Variants in CHD6 observed in about 807,000 individuals in gnomAD.
CHD6 encodes chromodomain helicase DNA binding protein 6, also known as ATP-dependent chromatin remodeler CHD6.
Under a neutral mutation model 276.9 loss-of-function variants are expected in CHD6, and 50 were observed. That is an observed-to-expected ratio of 0.18 (90% CI 0.14 to 0.23). The LOEUF (loss-of-function observed/expected upper bound fraction) is 0.23. Ranked by LOEUF, CHD6 falls within the 10% of genes least tolerant of loss-of-function variation. CHD6 has a pLI of 1.00. For missense variants in CHD6, 2,564 were observed against 3,365.8 expected (o/e 0.76, Z 5.89); for synonymous variants, 1,173 against 1,229.3 (o/e 0.95, Z 0.96).
chr20:41,426,406 G>C (rs115582574), intron 27 of CHD6, among the ~76,000 whole-genome samples: 17 of 152,094 alleles, frequency 1.1e-4, no homozygotes, highest in African/African-American at 4.1e-4. Context: ...GTAGAGAATC[G>C]GCTTGAGCAA....
chr20:41,410,971 G>A (rs1184750348), intron 36 of CHD6, among the ~76,000 whole-genome samples: 2 of 152,166 alleles, frequency 1.3e-5, no homozygotes, highest in South Asian at 2.1e-4. Flanking sequence ...GAAAGACAGA[G>A]GGGACACAAA....
rs754920470 is a variant in CHD6, at chr20:41,533,509, T to C, written c.95A>G (p.Tyr32Cys). 65 of 1,613,630 alleles carry C rather than the reference T, an allele frequency of 4.0e-5. No individual in the cohort carries two copies. The highest frequency in any genetic ancestry group is 5.4e-5 in the Non-Finnish European group (64 of 1,179,970). The change falls in exon 3 of 37, where the codon TAC becomes TGC. Residue 32 changes from tyrosine to cysteine, a missense_variant. Around this residue, in one of 7 missense-constraint regions of CHD6, gnomAD observed 286 missense variants for 297.8 expected, o/e 0.96. Transcript: ENST00000373233. ...GCAGTCAAATGGGGATGGAGATTTGTAGTCAAAATTGACAGAGGCATCAGA... is the reference window on the plus strand; with the variant it reads ...GCAGTCAAATGGGGATGGAGATTTGCAGTCAAAATTGACAGAGGCATCAGA... ...PMSDASVNFD[Y>C]KSPSPFDCST...
intron 1 of CHD6, among the ~76,000 whole-genome samples, chr20:41,556,277 C>G (rs996063108): frequency 1.5e-5 from 2 of 135,996 alleles, no homozygotes; most frequent in African/African-American, 5.8e-5. Context: ...CGTGGGGAGA[C>G]GGGAGAGGGA....
In CHD6 at chr20:41,497,364, G is replaced by T; in HGVS notation, c.1092+20C>A. On this transcript the variant is annotated intron_variant, in intron 8 of 36. Coordinates refer to ENST00000373233, the MANE Select transcript of CHD6 (RefSeq NM_032221.5). ...TGCAAGAAAAGCAGCAGTCAAATGA[G>T]TCAGTAAATATTGCTTCACCTCCGT... The T allele has an allele frequency of 2.1e-6, 3 of 1,432,700 alleles. No individual in the cohort carries two copies. The highest frequency in any genetic ancestry group is 2.3e-5 in the East Asian group (1 of 44,020). 88.7% of individuals were successfully genotyped at this position (1,432,700 alleles called of 1,614,324 possible).
Position 41,405,089 on chromosome 20 carries a change from G to C in CHD6, c.7652C>G (p.Pro2551Arg). 7.4e-6 allele frequency: 12 copies of C among 1,614,222 alleles called. No homozygotes were observed. Among genetic ancestry groups the C allele is most frequent in the Non-Finnish European group, 1.0e-5 (12 of 1,180,046 alleles). ...PMATTCTSTA[P>R]ASLSSTTKSG... ...TTTCGTTGTGCTTGATAGAGACGCCGGAGCAGTGGAAGTGCAGGTGGTTGC... is the reference window on the plus strand; with the variant it reads ...TTTCGTTGTGCTTGATAGAGACGCCCGAGCAGTGGAAGTGCAGGTGGTTGC... The change falls in exon 37 of 37, where the codon CCG (proline) becomes CGG (arginine). Residue 2551 changes from proline (P) to arginine (R), a missense_variant. Around this residue, in one of 7 missense-constraint regions of CHD6, gnomAD observed 238 missense variants for 266.0 expected, o/e 0.89. Coordinates refer to ENST00000373233, the MANE Select transcript of CHD6 (RefSeq NM_032221.5).
At chr20:41,589,751 C>G (rs2045636088) in intron 1 of CHD6, among the ~76,000 whole-genome samples, 1 of 152,210 alleles carries the variant, frequency 6.6e-6, no homozygotes, top group Non-Finnish European at 1.5e-5. Context: ...ATTCCATGCT[C>G]ATGGATAGGA....
At chr20:41,572,777 T>C (rs146779930) in intron 1 of CHD6, among the ~76,000 whole-genome samples, 1 of 152,300 alleles carries the variant, frequency 6.6e-6, no homozygotes, top group East Asian at 1.9e-4. Flanking sequence ...CCTTTACCAA[T>C]TAAATCTGAA....
intron 17 of CHD6, 73 bp from the exon 18 acceptor site, chr20:41,457,501 TGCTTAAA>T (rs2048412816): frequency 3.2e-5 from 49 of 1,517,826 alleles, no homozygotes; most frequent in Non-Finnish European, 4.3e-5. Context: ...AATAGGGGAG[TGCTTAAA>T]TGTCATGTGG....
intron 27 of CHD6, among the ~76,000 whole-genome samples, chr20:41,431,423 GAGA>G (rs1449887045): frequency 1.3e-5 from 2 of 152,158 alleles, no homozygotes; most frequent in African/African-American, 2.4e-5. Context: ...TAGTGATCAG[GAGA>G]AGAAGAGGGA....
In CHD6 at chr20:41,483,347, G is replaced by T; in HGVS notation, c.2430C>A (p.Arg810=). Reference sequence around the variant, plus strand: ...GGTAATCTTCTAGGATGTCGAGGCAGCGCACCATCTGGGAGAAGATGAGTA... The same window carrying T: ...GGTAATCTTCTAGGATGTCGAGGCATCGCACCATCTGGGAGAAGATGAGTA... ...HKVLIFSQMV[R]CLDILEDYLI... The change falls in exon 16 of 37, where the codon CGC becomes CGA. Residue 810 remains arginine, a synonymous_variant. Coordinates refer to ENST00000373233, the MANE Select transcript of CHD6 (RefSeq NM_032221.5). The T allele has an allele frequency of 6.2e-7, 1 of 1,613,722 alleles. No individual in the cohort carries two copies. The highest frequency in any genetic ancestry group is 8.5e-7 in the Non-Finnish European group (1 of 1,179,784).
chr20:41,558,743 T>C (rs989046614), intron 1 of CHD6, among the ~76,000 whole-genome samples: 1 of 152,128 alleles, frequency 6.6e-6, no homozygotes, highest in South Asian at 2.1e-4. Context: ...AGTCTCTTGA[T>C]TACCTCCCAG....
At chr20:41,547,782 T>G in intron 2 of CHD6, 1 of 526,248 alleles carries the variant, frequency 1.9e-6, no homozygotes. Flanking sequence ...GCACCAATCT[T>G]TAGCCAGAGA....
At chr20:41,584,997 A>C (rs1012436156) in intron 1 of CHD6, among the ~76,000 whole-genome samples, 2 of 152,198 alleles carry the variant, frequency 1.3e-5, no homozygotes, top group African/African-American at 2.4e-5. Context: ...GAAAGAAACC[A>C]AAGCGAGTTT....
rs1238474366 is a variant in CHD6 at position 41,420,624 on chromosome 20, G to A, written c.6011C>T (p.Ala2004Val). 28 of 1,614,210 alleles carry A rather than the reference G, an allele frequency of 1.7e-5. No homozygotes were observed. The highest frequency in any genetic ancestry group is 2.4e-5 in the Non-Finnish European group (28 of 1,180,024). Reference sequence around the variant, plus strand: ...TGTGGGGAAAACGTTTTGCCCCTCTGCACTTTCTTTCCAAGGTTCTTTTAA... The same window carrying A: ...TGTGGGGAAAACGTTTTGCCCCTCTACACTTTCTTTCCAAGGTTCTTTTAA... ...ELLKEPWKES[A>V]EGQNVFPTYP... The change falls in exon 31 of 37, where the codon GCA (alanine) becomes GTA (valine). Residue 2004 changes from alanine (A) to valine (V), a missense_variant. Physicochemically the swap from Ala to Val is moderately conservative, Grantham distance 64. Coordinates refer to ENST00000373233, the MANE Select transcript of CHD6 (RefSeq NM_032221.5).
At chr20:41,607,886 G>T (rs1410738409) in intron 1 of CHD6, among the ~76,000 whole-genome samples, 1 of 151,998 alleles carries the variant, frequency 6.6e-6, no homozygotes, top group Non-Finnish European at 1.5e-5. Context: ...GCCTAGAAGG[G>T]ACACACATCA....
chr20:41,539,626 T>C (rs1395927252), intron 2 of CHD6, among the ~76,000 whole-genome samples: 3 of 152,184 alleles, frequency 2.0e-5, no homozygotes, highest in Admixed American at 2.0e-4. Context: ...AAGACCAAAT[T>C]AGATAAAAAT....
chr20:41,588,271 A>G (rs950191032), intron 1 of CHD6, among the ~76,000 whole-genome samples: 3 of 152,202 alleles, frequency 2.0e-5, no homozygotes, highest in Non-Finnish European at 2.9e-5. Flanking sequence ...TCATACAACA[A>G]TAAGAATTTT....
At chr20:41,555,625 G>A (rs1229736128) in intron 1 of CHD6, among the ~76,000 whole-genome samples, 4 of 151,412 alleles carry the variant, frequency 2.6e-5, no homozygotes, top group South Asian at 2.1e-4. Context: ...GGTCGCGGCC[G>A]GGTAGAGGCA....
chr20:41,547,993 C>T, intron 2 of CHD6: 1 of 247,222 alleles, frequency 4.0e-6, no homozygotes, highest in Non-Finnish European at 8.0e-6. Context: ...AATTATACAA[C>T]TAAATCGTAA....
Sources: gnomAD v4.1 joint callset for allele counts (sites outside exome capture counted in the v4.1 genomes callset) on GRCh38, gnomAD v4.1.1 for gene constraint, gnomAD v4.1.1 regional missense constraint, MANE v1.5 for transcripts, NCBI Gene and HGNC (gene_info 2026-07-23, HGNC 2026-07-21) for gene names.